Variants in SPIDR observed in about 807,000 individuals in gnomAD.
SPIDR encodes scaffold protein involved in DNA repair.
A neutral mutation model predicts 104.6 loss-of-function variants in SPIDR; 93 were observed. The ratio of observed to expected loss-of-function variants is 0.89; its 90% confidence interval spans 0.75 to 1.06. The LOEUF is 1.06. SPIDR is among the 50% of genes least tolerant of loss of function. The probability of loss-of-function intolerance (pLI) is 0.00; values close to 1 mark genes in which losing one functional copy is unlikely to be tolerated. For missense variants in SPIDR, 1,154 were observed against 1,111.2 expected (o/e 1.04, Z -0.55); for synonymous variants, 431 against 416.9 (o/e 1.03, Z -0.41).
At chr8:47,362,569 C>G (rs1405852195) in intron 5 of SPIDR, among the ~76,000 whole-genome samples, 1 of 152,116 alleles carries the variant, frequency 6.6e-6, no homozygotes, top group Non-Finnish European at 1.5e-5. Flanking sequence ...TGAAATAGAT[C>G]AGGCACACAA....
chr8:47,314,641 T>C (rs1554588197), intron 5 of SPIDR, among the ~76,000 whole-genome samples: 1 of 152,026 alleles, frequency 6.6e-6, no homozygotes, highest in East Asian at 1.9e-4. Flanking sequence ...GGGTAACTGC[T>C]CCATGATGCA....
intron 5 of SPIDR, among the ~76,000 whole-genome samples, chr8:47,344,974 C>G (rs1440331166): frequency 6.6e-6 from 1 of 152,126 alleles, no homozygotes; most frequent in Non-Finnish European, 1.5e-5. Flanking sequence ...TAATTAGATC[C>G]CATTTGTCAA....
At chr8:47,355,185 G>T (rs2054281681) in intron 5 of SPIDR, among the ~76,000 whole-genome samples, 1 of 150,896 alleles carries the variant, frequency 6.6e-6, no homozygotes, top group Non-Finnish European at 1.5e-5. Context: ...TAAACTCCTG[G>T]CCTCAGGTGG....
intron 8 of SPIDR, chr8:47,592,340 C>T (rs1403688509): frequency 8.3e-5 from 99 of 1,188,214 alleles, no homozygotes; most frequent in East Asian, 9.3e-5. Flanking sequence ...TTCAAAATAT[C>T]GAAACATATT....
intron 5 of SPIDR, among the ~76,000 whole-genome samples, chr8:47,328,856 A>C (rs1462823967): frequency 1.4e-4 from 22 of 151,784 alleles, no homozygotes; most frequent in Non-Finnish European, 2.6e-4. Context: ...CTTTTACTTT[A>C]AAGCAGTATT....
At chr8:47,681,797 C>A (rs1002046504) in intron 11 of SPIDR, among the ~76,000 whole-genome samples, 4 of 152,048 alleles carry the variant, frequency 2.6e-5, no homozygotes, top group African/African-American at 9.7e-5. Flanking sequence ...TGCATAAGAA[C>A]AATGAAGAAA....
chr8:47,290,705 A>G (rs1314182588), intron 3 of SPIDR, among the ~76,000 whole-genome samples: 1 of 152,206 alleles, frequency 6.6e-6, no homozygotes, highest in Non-Finnish European at 1.5e-5. Context: ...TTTTGTTTTC[A>G]TCAAATACCC....
chr8:47,690,145 C>T (rs1235388269), intron 11 of SPIDR, among the ~76,000 whole-genome samples: 1 of 151,690 alleles, frequency 6.6e-6, no homozygotes, highest in Non-Finnish European at 1.5e-5. Flanking sequence ...CGCTGGTGAG[C>T]GAGTGGATCA....
At chr8:47,316,877 G>GA (rs2045461685) in intron 5 of SPIDR, among the ~76,000 whole-genome samples, 1 of 152,136 alleles carries the variant, frequency 6.6e-6, no homozygotes, top group Admixed American at 6.6e-5. Flanking sequence ...AATATACATT[G>GA]AATTCTTGTT....
At chr8:47,360,244 C>CAAAAAAAAAAAAA (rs1186187617) in intron 5 of SPIDR, among the ~76,000 whole-genome samples, 1 of 38,964 alleles carries the variant, frequency 2.6e-5, no homozygotes, top group African/African-American at 1.3e-4. Context: ...GACTCCATCT[C>CAAAAAAAAAAAAA]AAAAAAAAAA....
intron 8 of SPIDR, among the ~76,000 whole-genome samples, chr8:47,526,503 C>G (rs959444454): frequency 3.3e-5 from 5 of 152,050 alleles, no homozygotes; most frequent in Admixed American, 6.6e-5. Context: ...TGGCAGACCA[C>G]GAGCAAAAAG....
chr8:47,701,781 G>A lies in SPIDR; in HGVS notation c.1834G>A (p.Gly612Arg). ...CYILTAHPNLGQIDIIDEDPI... is the reference protein window; with the variant it reads ...CYILTAHPNLRQIDIIDEDPI... ...CATCCTCACAGCTCATCCAAATCTG[G>A]GACAAATTGATATAATTGACGAAGA... is the stretch of plus-strand genomic sequence containing the variant. Residue 612 changes from glycine (G) to arginine (R), a missense_variant, in exon 13 of 20, where the codon GGA becomes AGA. By Grantham distance (125) the Gly-to-Arg change is moderately radical (BLOSUM62 -2). Transcript: ENST00000297423. 7 of 1,613,950 alleles carry A rather than the reference G, an allele frequency of 4.3e-6. No individual in the cohort carries two copies. The highest frequency in any genetic ancestry group is 5.9e-6 in the Non-Finnish European group (7 of 1,179,994).
intron 16 of SPIDR, among the ~76,000 whole-genome samples, chr8:47,725,617 C>T (rs2084116091): frequency 6.6e-6 from 1 of 152,164 alleles, no homozygotes; most frequent in Non-Finnish European, 1.5e-5. Flanking sequence ...GTCTCGATCT[C>T]TTGACCTCGT....
At chr8:47,264,842 G>A (rs928451875) in intron 1 of SPIDR, among the ~76,000 whole-genome samples, 13 of 152,126 alleles carry the variant, frequency 8.5e-5, no homozygotes, top group Non-Finnish European at 1.3e-4. Flanking sequence ...GAATGCATGC[G>A]ATGATATACC....
intron 5 of SPIDR, among the ~76,000 whole-genome samples, chr8:47,320,876 G>C (rs561052452): frequency 6.6e-6 from 1 of 152,064 alleles, no homozygotes; most frequent in Admixed American, 6.6e-5. Context: ...ATGCAGAAAA[G>C]GCCTTTGACA....
At chr8:47,683,668 C>T (rs1554575379) in intron 11 of SPIDR, among the ~76,000 whole-genome samples, 1 of 152,126 alleles carries the variant, frequency 6.6e-6, no homozygotes, top group Non-Finnish European at 1.5e-5. Context: ...CAAAATACTC[C>T]AAAGAGCATT....
rs370768332 is a variant in SPIDR, at chr8:47,640,777, A to C, written c.1545-33024A>C. 1.1e-4 allele frequency among the ~76,000 whole-genome samples: 15 copies of C among 133,452 alleles called. No individual in the cohort carries two copies. In the East Asian group the frequency reaches 3.1e-3, roughly 28 times the overall value. The allele number at this position is 133,452 out of a possible 152,430, so 87.5% of individuals were successfully genotyped here. On this transcript the variant is annotated intron_variant, in intron 10 of 19. Transcript: ENST00000297423. ...TCTGCAACCTCCACTTCCTGGGTTC[A>C]AGCAGTTCTCCTGCCTCAGCCTCCC...
At chr8:47,578,370 G>T (rs1215290272) in intron 8 of SPIDR, among the ~76,000 whole-genome samples, 2 of 152,130 alleles carry the variant, frequency 1.3e-5, no homozygotes, top group South Asian at 2.1e-4. Flanking sequence ...TACTTGGGAG[G>T]CTGAGGCAGG....
chr8:47,344,404 T>C (rs1312195208), intron 5 of SPIDR, among the ~76,000 whole-genome samples: 1 of 152,236 alleles, frequency 6.6e-6, no homozygotes, highest in Non-Finnish European at 1.5e-5. Flanking sequence ...GTCTTTGCTA[T>C]TGTGAATAGT....
Sources: gnomAD v4.1 joint callset for allele counts (sites outside exome capture counted in the v4.1 genomes callset) on GRCh38, gnomAD v4.1.1 for gene constraint, MANE v1.5 for transcripts, NCBI Gene and HGNC (gene_info 2026-07-23, HGNC 2026-07-21) for gene names.